FRS2: variants seen among roughly 807,000 people sequenced by gnomAD.
FRS2 encodes the protein fibroblast growth factor receptor substrate 2.
Under a neutral mutation model 43.9 loss-of-function variants are expected in FRS2, and 8 were observed. The observed-to-expected ratio is 0.18, with a 90% CI of 0.11 to 0.33. The LOEUF (loss-of-function observed/expected upper bound fraction) is 0.33, where lower values mean the gene tolerates loss of function less well. Among genes scored for constraint, FRS2 ranks in the 10% least tolerant of loss-of-function variants. FRS2 has a pLI of 1.00. For missense variants in FRS2, 534 were observed against 627.6 expected, an observed-to-expected ratio of 0.85 and a Z score of 1.59; for synonymous variants, 219 against 220.3, an observed-to-expected ratio of 0.99 and a Z score of 0.05.
rs566788068 is a variant in FRS2, at chr12:69,470,417, G to A, written c.-374G>A. ...ATTCGGGCCGGAGAGAGGCCTTGTA[G>A]GCACAGCGGCTGAGACTCGATCTGC... On this transcript the variant is annotated 5_prime_UTR_variant, in exon 1 of 9. Transcript: ENST00000549921. The A allele has an allele frequency of 1.8e-5, 7 of 398,636 alleles. No homozygotes were observed. Among genetic ancestry groups the A allele is most frequent in the African/African-American group, 1.0e-4 (5 of 48,752 alleles). The allele number at this position is 398,636 out of a possible 1,614,324, so 24.7% of individuals were successfully genotyped here. A position where few individuals can be genotyped will look rare whatever the true frequency, so the allele number is the denominator to read the frequency against.
intron 3 of FRS2, among the ~76,000 whole-genome samples, chr12:69,542,543 A>G (rs1024684323): frequency 1.3e-5 from 2 of 152,238 alleles, no homozygotes; most frequent in Non-Finnish European, 2.9e-5. Context: ...TTAATGAATC[A>G]GGTTATGTAA....
At chr12:69,528,946 A>G (rs559127535) in intron 1 of FRS2, among the ~76,000 whole-genome samples, 4 of 152,198 alleles carry the variant, frequency 2.6e-5, no homozygotes, top group Non-Finnish European at 5.9e-5. Flanking sequence ...AGGAAAGGAA[A>G]GATGCTGGTA....
rs150399327 is a variant in FRS2, at chr12:69,483,171, A to G, written c.-261+12641A>G. 4.9e-3 allele frequency among the ~76,000 whole-genome samples: 749 copies of G among 152,336 alleles called. 5 individuals carry two copies. Among genetic ancestry groups the G allele is most frequent in the African/African-American group, 0.017 (711 of 41,574 alleles). On this transcript the variant is annotated intron_variant, in intron 1 of 8. Transcript: ENST00000549921. Reference sequence around the variant, plus strand: ...ACATCAATACATTACTGTTAATGAGACAACATACGGTATACAGATTTCACC... The same window carrying G: ...ACATCAATACATTACTGTTAATGAGGCAACATACGGTATACAGATTTCACC...
At chr12:69,470,823 C>G (rs74912985) in intron 1 of FRS2, among the ~76,000 whole-genome samples, 2 of 152,160 alleles carry the variant, frequency 1.3e-5, no homozygotes, top group Admixed American at 1.3e-4. Flanking sequence ...CGACCCCCCT[C>G]ATGTGTGCTG....
intron 3 of FRS2, among the ~76,000 whole-genome samples, chr12:69,561,287 A>G (rs113213114): frequency 0.029 from 4,349 of 152,282 alleles, 208 homozygotes; most frequent in African/African-American, 0.099. Context: ...CTGATTTTAT[A>G]TATAAAATTG....
chr12:69,493,909 T>C (rs1872671546), intron 1 of FRS2, among the ~76,000 whole-genome samples: 1 of 152,192 alleles, frequency 6.6e-6, no homozygotes, highest in Non-Finnish European at 1.5e-5. Context: ...TAATACTATT[T>C]CATCTGCATT....
intron 3 of FRS2, among the ~76,000 whole-genome samples, chr12:69,541,966 G>T (rs1397143931): frequency 6.6e-6 from 1 of 151,850 alleles, no homozygotes; most frequent in Non-Finnish European, 1.5e-5. Flanking sequence ...TTTAAAGGGA[G>T]ATACTGGTTT....
At chr12:69,477,272 C>CTTTTTTT (rs11300091) in intron 1 of FRS2, among the ~76,000 whole-genome samples, 4 of 103,152 alleles carry the variant, frequency 3.9e-5, no homozygotes, top group East Asian at 2.7e-4. Flanking sequence ...TTTTAAAATA[C>CTTTTTTT]TTTTTTTTTT....
chr12:69,574,569 G>A lies in FRS2; in HGVS notation c.1141G>A (p.Gly381Ser). The stretch of plus-strand genomic sequence containing the variant: ...AGGACCAAAGACCCCATCTCTAAAT[G>A]GCTACCATAATAATCTAGATCCAAT... ...NLGPKTPSLN[G>S]YHNNLDPMHN... Residue 381 changes from glycine to serine, a missense_variant, in exon 9 of 9, where the codon GGC becomes AGC. Physicochemically the swap from Gly to Ser is moderately conservative, Grantham distance 56. Coordinates refer to ENST00000549921, the MANE Select transcript of FRS2 (RefSeq NM_001278356.2). The A allele has an allele frequency of 6.2e-7, 1 of 1,614,008 alleles. No individual in the cohort carries two copies. The highest frequency in any genetic ancestry group is 8.5e-7 in the Non-Finnish European group (1 of 1,179,944).
At chr12:69,531,818 G>T (rs1470850047) in intron 2 of FRS2, among the ~76,000 whole-genome samples, 196 bp from the exon 3 acceptor site, 1 of 152,128 alleles carries the variant, frequency 6.6e-6, no homozygotes, top group African/African-American at 2.4e-5. Flanking sequence ...AAGTATTTTT[G>T]TAATAAAAGT....
chr12:69,530,166 A>C (rs552874325), intron 1 of FRS2, among the ~76,000 whole-genome samples: 1 of 146,440 alleles, frequency 6.8e-6, no homozygotes, highest in African/African-American at 2.7e-5. Flanking sequence ...GCTTATAACA[A>C]TTAATGATAA....
At chr12:69,539,566 CT>C (rs1877675105) in intron 3 of FRS2, among the ~76,000 whole-genome samples, 1 of 152,026 alleles carries the variant, frequency 6.6e-6, no homozygotes, top group Non-Finnish European at 1.5e-5. Flanking sequence ...AATTTTCCAC[CT>C]GTGGTGTCAT....
intron 7 of FRS2, among the ~76,000 whole-genome samples, chr12:69,571,828 C>T (rs564203845): frequency 2.0e-5 from 3 of 152,274 alleles, no homozygotes; most frequent in East Asian, 1.9e-4. Context: ...CATGCCACTG[C>T]ATTCCAGCCT....
intron 3 of FRS2, among the ~76,000 whole-genome samples, chr12:69,546,006 G>A (rs1344289118): frequency 6.6e-6 from 1 of 152,058 alleles, no homozygotes; most frequent in Non-Finnish European, 1.5e-5. Context: ...AATGTAGGGC[G>A]AATGCTTCAT....
chr12:69,494,532 T>C (rs1018928773), intron 1 of FRS2, among the ~76,000 whole-genome samples: 1 of 152,208 alleles, frequency 6.6e-6, no homozygotes, highest in African/African-American at 2.4e-5. Context: ...GGCTTCTAAA[T>C]GTTAGCATTA....
At chr12:69,568,404 A>G (rs1443075576) in intron 4 of FRS2, among the ~76,000 whole-genome samples, 1 of 152,164 alleles carries the variant, frequency 6.6e-6, no homozygotes, top group African/African-American at 2.4e-5. Context: ...TTTTATTTAA[A>G]GAACAAGCCA....
At chr12:69,548,916 G>A (rs1379957396) in intron 3 of FRS2, among the ~76,000 whole-genome samples, 1 of 152,192 alleles carries the variant, frequency 6.6e-6, no homozygotes, top group African/African-American at 2.4e-5. Flanking sequence ...GTCTGCTGGT[G>A]CCTCCATGCA....
chr12:69,486,430 T>C (rs184731062), intron 1 of FRS2: 2 of 152,338 alleles, frequency 1.3e-5, no homozygotes, highest in Non-Finnish European at 2.9e-5. Context: ...TCAATAAATG[T>C]GTGTGTTCTG....
intron 5 of FRS2, among the ~76,000 whole-genome samples, 194 bp downstream of exon 5, chr12:69,569,290 G>A (rs188020456): frequency 1.1e-3 from 173 of 151,686 alleles, no homozygotes; most frequent in African/African-American, 4.0e-3. Flanking sequence ...GTTTTCCTTC[G>A]GTCCTCTGTA....
Sources: allele counts gnomAD v4.1 joint callset (sites outside exome capture counted in the v4.1 genomes callset), GRCh38; gene constraint gnomAD v4.1.1; transcripts MANE v1.5; gene names NCBI Gene and HGNC (gene_info 2026-07-23, HGNC 2026-07-21).